The following FBXL20 variants were observed in gnomAD, a reference collection of about 807,000 sequenced individuals.
FBXL20 encodes F-box and leucine rich repeat protein 20.
Under a neutral mutation model 64.0 loss-of-function variants are expected in FBXL20, and 11 were observed. The ratio of observed to expected loss-of-function variants is 0.17; its 90% CI spans 0.11 to 0.28. The LOEUF is 0.28. Among genes scored for constraint, FBXL20 ranks in the 10% least tolerant of loss-of-function variants. The probability of loss-of-function intolerance (pLI) is 1.00; values close to 1 mark genes in which losing one functional copy is unlikely to be tolerated. For missense variants in FBXL20, 303 were observed against 526.2 expected (o/e 0.58, Z 4.15); for synonymous variants, 184 against 189.0 (o/e 0.97, Z 0.22).
chr17:39,352,963 A>G (rs1216595324), intron 1 of FBXL20, among the ~76,000 whole-genome samples: 1 of 152,144 alleles, frequency 6.6e-6, no homozygotes, highest in Non-Finnish European at 1.5e-5. Context: ...TCAGGAGAGT[A>G]CTTAAAGAGA....
intron 2 of FBXL20, among the ~76,000 whole-genome samples, chr17:39,317,123 T>C (rs2047300400): frequency 6.6e-6 from 1 of 152,220 alleles, no homozygotes; most frequent in Non-Finnish European, 1.5e-5. Flanking sequence ...ATATATGAAT[T>C]GAATCCAAAC....
chr17:39,392,599 T>G (rs1431361999), intron 1 of FBXL20, among the ~76,000 whole-genome samples: 1 of 152,186 alleles, frequency 6.6e-6, no homozygotes, highest in Non-Finnish European at 1.5e-5. Flanking sequence ...AATCTAAAAC[T>G]TTTAGTTTTC....
chr17:39,347,418 A>G (rs2047644951), intron 1 of FBXL20, among the ~76,000 whole-genome samples: 1 of 151,936 alleles, frequency 6.6e-6, no homozygotes, highest in Admixed American at 6.6e-5. Flanking sequence ...TATGGTTTTG[A>G]TTTGCATTTC....
At chr17:39,356,390 CTG>C (rs2047740816) in intron 1 of FBXL20, among the ~76,000 whole-genome samples, 1 of 152,150 alleles carries the variant, frequency 6.6e-6, no homozygotes, top group African/African-American at 2.4e-5. Flanking sequence ...GGGTTTCACT[CTG>C]TCACTGAGGC....
At chr17:39,344,578 G>C (rs2047614531) in intron 1 of FBXL20, among the ~76,000 whole-genome samples, 1 of 151,672 alleles carries the variant, frequency 6.6e-6, no homozygotes, top group Admixed American at 6.6e-5. Context: ...CTGAGGTGAG[G>C]AGTTCGAGAC....
At position 39,299,594 on chromosome 17, in the gene FBXL20, A is replaced by G. The variant is rs146569522; in HGVS notation, c.235-510T>C. Among the ~76,000 whole-genome samples the G allele has an allele frequency of 2.5e-4, 38 of 152,130 alleles. No homozygotes were observed. In the East Asian group the frequency reaches 6.8e-3, roughly 27 times the overall value. ...CAGGAGATCAACACCATCCTGGCTAACACGGTGAAACCCCATCTCTACTAA... is the reference window on the plus strand; with the variant it reads ...CAGGAGATCAACACCATCCTGGCTAGCACGGTGAAACCCCATCTCTACTAA... On this transcript the variant is annotated intron_variant, in intron 4 of 14. Transcript: ENST00000264658.
rs1213956168 is a variant in FBXL20 at position 39,258,671 on chromosome 17, A to G, written c.*2789T>C. The G allele has an allele frequency of 2.0e-5, 3 of 152,264 alleles. No homozygotes were observed. Among genetic ancestry groups the G allele is most frequent in the African/African-American group, 7.2e-5 (3 of 41,478 alleles). 9.4% of individuals were successfully genotyped at this position (152,264 alleles called of 1,614,324 possible). ...ATCTTTTAAGTAAAGAAGTACCTTA[A>G]TAGCCTCAACTTAGGCAACTCAAAT... On this transcript the variant is annotated 3_prime_UTR_variant, in exon 15 of 15. Coordinates refer to ENST00000264658, the MANE Select transcript of FBXL20 (RefSeq NM_032875.3).
intron 1 of FBXL20, among the ~76,000 whole-genome samples, chr17:39,388,475 C>CTT (rs557319614): frequency 7.1e-6 from 1 of 141,686 alleles, no homozygotes; most frequent in Admixed American, 7.1e-5. Context: ...AAAAAAGTTG[C>CTT]TTTTTTTTTT....
chr17:39,310,691 A>G (rs1389824145), intron 2 of FBXL20, among the ~76,000 whole-genome samples: 2 of 152,240 alleles, frequency 1.3e-5, no homozygotes, highest in East Asian at 3.9e-4. Context: ...TCTACAAAAA[A>G]ACACAAAAAT....
chr17:39,280,930 A>C (rs2046944855), intron 9 of FBXL20, among the ~76,000 whole-genome samples: 1 of 151,942 alleles, frequency 6.6e-6, no homozygotes, highest in Non-Finnish European at 1.5e-5. Flanking sequence ...AACCCAGCTA[A>C]TTTTTGCACC....
rs544143519 is a variant in FBXL20 at position 39,343,294 on chromosome 17, T to C, written c.43-53A>G. On this transcript the variant is annotated intron_variant, in intron 1 of 14. Transcript: ENST00000264658. ...TGTTACTTAACATTTTATTACAGAATGTTCAACTCAATAGTTTAGAGGCAA... is the reference window on the plus strand; with the variant it reads ...TGTTACTTAACATTTTATTACAGAACGTTCAACTCAATAGTTTAGAGGCAA... 9 of 1,309,466 alleles carry C rather than the reference T, an allele frequency of 6.9e-6. No individual in the cohort carries two copies. In the East Asian group the frequency reaches 1.5e-4, roughly 21 times the overall value. 81.1% of individuals were successfully genotyped at this position (1,309,466 alleles called of 1,614,324 possible).
chr17:39,323,147 T>C (rs1567879823), intron 2 of FBXL20, among the ~76,000 whole-genome samples: 1 of 151,970 alleles, frequency 6.6e-6, no homozygotes, highest in Non-Finnish European at 1.5e-5. Flanking sequence ...TTTTTTGTAT[T>C]TTTAGTAGAG....
chr17:39,298,091 A>G (rs1361257449), intron 5 of FBXL20, among the ~76,000 whole-genome samples: 2 of 152,192 alleles, frequency 1.3e-5, no homozygotes, highest in Non-Finnish European at 2.9e-5. Context: ...ATTATTTTAA[A>G]TTAAAAAAAT....
At chr17:39,312,467 T>C (rs1186436577) in intron 2 of FBXL20, among the ~76,000 whole-genome samples, 9 of 147,726 alleles carry the variant, frequency 6.1e-5, no homozygotes, top group Non-Finnish European at 1.2e-4. Context: ...TCTGGCTCCC[T>C]AGTAAGATGG....
At chr17:39,272,714 A>AG (rs1555602642) in intron 10 of FBXL20, among the ~76,000 whole-genome samples, 4 of 138,674 alleles carry the variant, frequency 2.9e-5, no homozygotes, top group African/African-American at 9.0e-5. Flanking sequence ...AAAAAAAAAA[A>AG]AAAAAAAGAA....
At chr17:39,382,398 G>A (rs1356646116) in intron 1 of FBXL20, among the ~76,000 whole-genome samples, 1 of 137,132 alleles carries the variant, frequency 7.3e-6, no homozygotes, top group Non-Finnish European at 1.5e-5. Context: ...AGCCCAGATC[G>A]CGCCACTGCA....
At chr17:39,322,300 T>C (rs1367316435) in intron 2 of FBXL20, among the ~76,000 whole-genome samples, 1 of 152,010 alleles carries the variant, frequency 6.6e-6, no homozygotes, top group Admixed American at 6.6e-5. Flanking sequence ...TTCAAATGTA[T>C]AATTATATGG....
chr17:39,325,057 A>C (rs2047397636), intron 2 of FBXL20, among the ~76,000 whole-genome samples: 1 of 152,212 alleles, frequency 6.6e-6, no homozygotes, highest in East Asian at 1.9e-4. Context: ...AAAATACAAA[A>C]ATTAGCCGGG....
At chr17:39,301,587 G>A (rs2047135838) in intron 3 of FBXL20, among the ~76,000 whole-genome samples, 1 of 152,124 alleles carries the variant, frequency 6.6e-6, no homozygotes. Flanking sequence ...AATTAGCCGG[G>A]TGTGGTGGCA....
Sources: gnomAD v4.1 joint callset for allele counts (sites outside exome capture counted in the v4.1 genomes callset) on GRCh38, gnomAD v4.1.1 for gene constraint, MANE v1.5 for transcripts, NCBI Gene and HGNC (gene_info 2026-07-23, HGNC 2026-07-21) for gene names.